Variants in SCUBE2 observed in about 807,000 individuals in gnomAD.
SCUBE2 encodes the protein signal peptide, CUB and EGF-like domain-containing protein 2.
A neutral mutation model predicts 125.9 loss-of-function variants in SCUBE2; 114 were observed. That is an observed-to-expected ratio of 0.91 (90% CI 0.78 to 1.06). SCUBE2 has a LOEUF of 1.06. Among genes scored for constraint, SCUBE2 ranks in the 50% least tolerant of loss-of-function variants. SCUBE2 has a pLI of 0.00. For synonymous variants in SCUBE2, 459 were observed against 492.9 expected (o/e 0.93, Z 0.91); for missense variants, 1,255 against 1,301.8 (o/e 0.96, Z 0.55).
intron 4 of SCUBE2, among the ~76,000 whole-genome samples, chr11:9,073,208 C>G (rs1193563731): frequency 1.3e-5 from 2 of 152,202 alleles, no homozygotes; most frequent in East Asian, 3.8e-4. Flanking sequence ...CTACATTGGA[C>G]AAGAGTGCAG....
At position 9,020,718 on chromosome 11, in the gene SCUBE2, G is replaced by A. The variant is rs564348503; in HGVS notation, c.*327C>T. On this transcript the variant is annotated 3_prime_UTR_variant, in exon 23 of 23. Coordinates refer to ENST00000649792, the MANE Select transcript of SCUBE2 (RefSeq NM_001367977.2). ...CTTTCCACTACAGACTCCTTGAGGA[G>A]GAGTAAGACCCCAGAAGGACAGGTG... The A allele has an allele frequency of 3.7e-5, 7 of 189,010 alleles. No individual in the cohort carries two copies. The highest frequency in any genetic ancestry group is 6.5e-5 in the Non-Finnish European group (6 of 93,006). 11.7% of individuals were successfully genotyped at this position (189,010 alleles called of 1,614,324 possible).
intron 3 of SCUBE2, among the ~76,000 whole-genome samples, chr11:9,076,437 C>G (rs1402876791): frequency 1.3e-5 from 2 of 152,032 alleles, no homozygotes; most frequent in African/African-American, 4.8e-5. Flanking sequence ...TACTAGATTG[C>G]AAACTCCTTG....
intron 16 of SCUBE2, 75 bp downstream of exon 16, chr11:9,047,281 A>C (rs918903232): frequency 4.5e-5 from 67 of 1,487,794 alleles, no homozygotes; most frequent in Non-Finnish European, 5.7e-5. Context: ...GATGGGCCAG[A>C]CTTGCCTTCG....
chr11:9,053,703 CTGTGT>C lies in SCUBE2; in HGVS notation c.1259_1263del (p.Asn420SerfsTer5). 1 of 1,614,198 alleles carries C rather than the reference CTGTGT, an allele frequency of 6.2e-7. No individual in the cohort carries two copies. Among genetic ancestry groups the C allele is most frequent in the Non-Finnish European group, 8.5e-7 (1 of 1,180,016 alleles). On this transcript the variant is annotated frameshift_variant, in exon 11 of 23. Coordinates refer to ENST00000649792, the MANE Select transcript of SCUBE2 (RefSeq NM_001367977.2). LOFTEE classifies it high-confidence loss of function. ...TGGCACTGGCATTCATAGCTGCCCA[CTGTGT>C]TCACACAGACCTGCTGACAGCCTCC...
intron 4 of SCUBE2, among the ~76,000 whole-genome samples, chr11:9,072,171 G>C (rs1860850004): frequency 6.6e-6 from 1 of 152,114 alleles, no homozygotes; most frequent in South Asian, 2.1e-4. Context: ...TCACTTTGAA[G>C]GTATCCACTG....
At chr11:9,063,523 C>G (rs907070117) in intron 7 of SCUBE2, among the ~76,000 whole-genome samples, 2 of 152,206 alleles carry the variant, frequency 1.3e-5, no homozygotes, top group Non-Finnish European at 2.9e-5. Context: ...CAATGGAGCA[C>G]TAACTTCAAA....
At chr11:9,053,491 T>C (rs1458049002) in intron 11 of SCUBE2, 146 bp downstream of exon 11, 7 of 959,590 alleles carry the variant, frequency 7.3e-6, no homozygotes, top group Non-Finnish European at 9.4e-6. Context: ...ATCTCCTGTT[T>C]TTGAACTATT....
intron 16 of SCUBE2, among the ~76,000 whole-genome samples, chr11:9,040,265 T>G (rs1474271839): frequency 8.2e-6 from 1 of 122,218 alleles, no homozygotes; most frequent in African/African-American, 2.5e-5. Context: ...AGCAAGAGAT[T>G]AACAATAATA....
chr11:9,068,302 T>C (rs1860451591), intron 5 of SCUBE2, among the ~76,000 whole-genome samples: 1 of 152,182 alleles, frequency 6.6e-6, no homozygotes, highest in Non-Finnish European at 1.5e-5. Context: ...ACACCATGAA[T>C]TGCCAGTGGT....
At position 9,047,472 on chromosome 11, in the gene SCUBE2, T is replaced by TG. The variant is rs771657194; in HGVS notation, c.1885dup (p.Gln629ProfsTer15). ...CATGCCTGAGAGCTGGAGGTGAAAC[T>TG]GCTCCCTGTGGACGGCCTTTCTGAG... On this transcript the variant is annotated frameshift_variant, in exon 16 of 23. Coordinates refer to ENST00000649792, the MANE Select transcript of SCUBE2 (RefSeq NM_001367977.2). LOFTEE classifies it high-confidence loss of function. 1 of 1,614,038 alleles carries TG rather than the reference T, an allele frequency of 6.2e-7. No individual in the cohort carries two copies. Among genetic ancestry groups the TG allele is most frequent in the Admixed American group, 1.7e-5 (1 of 59,980 alleles).
At chr11:9,081,980 T>C (rs939497980) in intron 2 of SCUBE2, among the ~76,000 whole-genome samples, 1 of 152,242 alleles carries the variant, frequency 6.6e-6, no homozygotes, top group Non-Finnish European at 1.5e-5. Flanking sequence ...TTTTTCCACA[T>C]CCTCACAGAC....
chr11:9,030,110 C>T (rs1856174385), intron 18 of SCUBE2, 65 bp from the exon 19 acceptor site: 25 of 1,544,278 alleles, frequency 1.6e-5, no homozygotes, highest in South Asian at 8.3e-5. Context: ...AAATGCAGCA[C>T]AAAGATTTTA....
intron 10 of SCUBE2, among the ~76,000 whole-genome samples, chr11:9,054,745 T>TTTTTTTC (rs1858900278): frequency 8.1e-5 from 9 of 110,462 alleles, no homozygotes; most frequent in Non-Finnish European, 1.7e-4. Flanking sequence ...TTTTTTTTTT[T>TTTTTTTC]TTTTTTTCAG....
chr11:9,067,694 AAATATG>A (rs1300757207), intron 5 of SCUBE2, among the ~76,000 whole-genome samples: 11 of 152,194 alleles, frequency 7.2e-5, no homozygotes, highest in Non-Finnish European at 1.5e-4. Context: ...CTCAAACGTT[AAATATG>A]TTAATGTTAA....
intron 14 of SCUBE2, among the ~76,000 whole-genome samples, chr11:9,049,411 T>C (rs182334640): frequency 1.3e-5 from 2 of 152,142 alleles, no homozygotes; most frequent in Non-Finnish European, 2.9e-5. Flanking sequence ...GCCCGGCTAA[T>C]TTTTTTATAG....
rs761434803 is a variant in SCUBE2 at position 9,024,361 on chromosome 11, AG to A, written c.2854+1340del. The A allele has an allele frequency of 3.8e-5, 49 of 1,287,252 alleles. 1 individual carries two copies. The South Asian group carries it at 6.0e-4, about 16-fold the overall frequency. 79.7% of individuals were successfully genotyped at this position (1,287,252 alleles called of 1,614,324 possible). A position where few individuals can be genotyped will look rare whatever the true frequency, so the allele number is the denominator to read the frequency against. On this transcript the variant is annotated intron_variant, in intron 21 of 22. Transcript: ENST00000649792. ...GTGGGAGGCATTTGGGTCCACCCCAAGAGATACTAAAACTCCTTGTCTTGGG... is the reference window on the plus strand; with the variant it reads ...GTGGGAGGCATTTGGGTCCACCCCAAAGATACTAAAACTCCTTGTCTTGGG...
intron 4 of SCUBE2, among the ~76,000 whole-genome samples, chr11:9,071,801 G>A (rs1860822015): frequency 6.6e-6 from 1 of 152,150 alleles, no homozygotes. Context: ...TTGCCACCCT[G>A]ACACCTTCCC....
At position 9,082,813 on chromosome 11, in the gene SCUBE2, C is replaced by T. The variant is rs1034141751; in HGVS notation, c.257-3304G>A. On this transcript the variant is annotated intron_variant, in intron 2 of 22. Transcript: ENST00000649792. ...AAAGTAGATTACTGGTTGCTTGAGG[C>T]TGGGACTGGGAATGAGGATTAGCTG... 3.9e-5 allele frequency among the ~76,000 whole-genome samples: 6 copies of T among 152,252 alleles called. No individual in the cohort carries two copies. In the East Asian group the frequency reaches 9.6e-4, roughly 24 times the overall value.
intron 16 of SCUBE2, among the ~76,000 whole-genome samples, chr11:9,040,015 G>A (rs975908275): frequency 2.0e-5 from 3 of 152,166 alleles, no homozygotes; most frequent in Middle Eastern, 3.2e-3. Context: ...AGGAGTGTCC[G>A]TGGGCGCATC....
Sources: allele counts gnomAD v4.1 joint callset (sites outside exome capture counted in the v4.1 genomes callset), GRCh38; gene constraint gnomAD v4.1.1; transcripts MANE v1.5; gene names NCBI Gene and HGNC (gene_info 2026-07-23, HGNC 2026-07-21).